The following PPP2R2C variants were observed in gnomAD, a reference collection of about 807,000 sequenced individuals.
PPP2R2C encodes protein phosphatase 2 regulatory subunit Bgamma, also known as protein phosphatase 2, regulatory subunit B, gamma.
Under a neutral mutation model 45.3 loss-of-function variants are expected in PPP2R2C, and 10 were observed. The observed-to-expected ratio is 0.22, with a 90% CI of 0.14 to 0.37. PPP2R2C has a LOEUF of 0.37. Ranked by LOEUF, PPP2R2C falls within the 10% of genes least tolerant of loss-of-function variation. The pLI, the probability that PPP2R2C is intolerant of heterozygous loss-of-function variation, is 1.00. For missense variants in PPP2R2C, 308 were observed against 619.7 expected, an observed-to-expected ratio of 0.50 and a Z score of 5.34; for synonymous variants, 257 against 245.4, an observed-to-expected ratio of 1.05 and a Z score of -0.44.
chr4:6,343,280 GA>G (rs1226318180), intron 6 of PPP2R2C, among the ~76,000 whole-genome samples: 2 of 152,276 alleles, frequency 1.3e-5, no homozygotes, highest in African/African-American at 4.8e-5. Flanking sequence ...AGGAGAAATG[GA>G]AGCTGTAAAA....
intron 5 of PPP2R2C, among the ~76,000 whole-genome samples, chr4:6,355,806 C>T (rs113913022): frequency 0.023 from 3,413 of 149,888 alleles, 141 homozygotes; most frequent in African/African-American, 0.079. Context: ...GCCTAGCCAA[C>T]ATGATGAAAC....
intron 6 of PPP2R2C, among the ~76,000 whole-genome samples, chr4:6,347,123 G>A (rs1162320196): frequency 2.6e-5 from 4 of 152,222 alleles, no homozygotes; most frequent in Admixed American, 2.6e-4. Context: ...TGCCACGATT[G>A]AATTTGGGTG....
chr4:6,489,859 C>T (rs547404374), intron 2 of PPP2R2C, among the ~76,000 whole-genome samples: 5 of 152,286 alleles, frequency 3.3e-5, no homozygotes, highest in African/African-American at 4.8e-5. Context: ...CCACTATTTT[C>T]GAACTTAATA....
At chr4:6,525,282 G>A (rs1724162226) in intron 2 of PPP2R2C, among the ~76,000 whole-genome samples, 1 of 151,942 alleles carries the variant, frequency 6.6e-6, no homozygotes, top group Non-Finnish European at 1.5e-5. Flanking sequence ...GCATGTGCCT[G>A]TAATCCCAGC....
intron 2 of PPP2R2C, among the ~76,000 whole-genome samples, chr4:6,506,898 G>C (rs897401710): frequency 6.6e-6 from 1 of 152,180 alleles, no homozygotes; most frequent in Non-Finnish European, 1.5e-5. Context: ...CATGTGGGTT[G>C]CCATTCTCAC....
At chr4:6,400,174 C>T (rs905212314) in intron 1 of PPP2R2C, among the ~76,000 whole-genome samples, 4 of 152,216 alleles carry the variant, frequency 2.6e-5, no homozygotes, top group Admixed American at 6.5e-5. Flanking sequence ...CCTTTTCCAA[C>T]TACATATCTG....
chr4:6,477,967 G>A (rs1490802076), intron 2 of PPP2R2C, among the ~76,000 whole-genome samples: 1 of 151,960 alleles, frequency 6.6e-6, no homozygotes, highest in Non-Finnish European at 1.5e-5. Context: ...TCCCCTTCCT[G>A]GTTCAGATGT....
intron 1 of PPP2R2C, among the ~76,000 whole-genome samples, chr4:6,418,192 A>G (rs1718724482): frequency 6.6e-6 from 1 of 152,152 alleles, no homozygotes; most frequent in Admixed American, 6.5e-5. Flanking sequence ...CTGCTCTGCA[A>G]GGAGAGTGGT....
chr4:6,470,704 C>G (rs1329248686), intron 1 of PPP2R2C, among the ~76,000 whole-genome samples: 2 of 152,196 alleles, frequency 1.3e-5, no homozygotes, highest in Non-Finnish European at 2.9e-5. Flanking sequence ...ACGCTGATCC[C>G]GACTCAGCCT....
intron 2 of PPP2R2C, among the ~76,000 whole-genome samples, chr4:6,526,489 A>T (rs1268665685): frequency 1.3e-5 from 2 of 152,254 alleles, no homozygotes; most frequent in African/African-American, 2.4e-5. Context: ...TGGTTGTATA[A>T]CATGAATATA....
chr4:6,375,843 G>T lies in PPP2R2C; in HGVS notation c.423C>A (p.Asp141Glu), dbSNP rs1298604554. Residue 141 changes from aspartate to glutamate, a missense_variant, in exon 4 of 9, where the codon GAC (aspartate) becomes GAA (glutamate). Physicochemically the swap from Asp to Glu is conservative, Grantham distance 45. Coordinates refer to ENST00000382599, the MANE Select transcript of PPP2R2C (RefSeq NM_020416.4). Reference sequence around the variant, plus strand: ...CCTGCAGTGACGTCACCGTGGACAGGTCCTTAAGTTTCCCCTCTTCATCCT... The same window carrying T: ...CCTGCAGTGACGTCACCGTGGACAGTTCCTTAAGTTTCCCCTCTTCATCCT... ...NLKDEEGKLK[D>E]LSTVTSLQVP... The T allele has an allele frequency of 6.2e-7, 1 of 1,614,022 alleles. No individual in the cohort carries two copies. The highest frequency in any genetic ancestry group is 1.7e-5 in the Admixed American group (1 of 60,016).
chr4:6,366,533 G>A (rs1714323258), intron 5 of PPP2R2C, among the ~76,000 whole-genome samples: 1 of 152,214 alleles, frequency 6.6e-6, no homozygotes. Flanking sequence ...TAAAATGGAG[G>A]AGGCTGTCAC....
chr4:6,511,429 ATGGTGG>A (rs1295041234), intron 2 of PPP2R2C, among the ~76,000 whole-genome samples: 1 of 77,830 alleles, frequency 1.3e-5, no homozygotes, highest in East Asian at 3.8e-4. Flanking sequence ...GATGGTGGTG[ATGGTGG>A]TGGTGACGGT....
chr4:6,388,156 C>T (rs1166235897), intron 1 of PPP2R2C, among the ~76,000 whole-genome samples: 1 of 152,194 alleles, frequency 6.6e-6, no homozygotes, highest in Non-Finnish European at 1.5e-5. Flanking sequence ...GAGGTGCCTC[C>T]TCCCTTCCTG....
At chr4:6,456,307 T>TTC (rs1491327877) in intron 1 of PPP2R2C, among the ~76,000 whole-genome samples, 28 of 81,518 alleles carry the variant, frequency 3.4e-4, no homozygotes, top group African/African-American at 1.7e-3. Flanking sequence ...GGATGTTATT[T>TTC]CCCCCCCCCC....
rs1476342711 is a variant in PPP2R2C, at chr4:6,384,719, A to C, written c.71-3625T>G. On this transcript the variant is annotated intron_variant, in intron 1 of 8. Transcript: ENST00000382599. ...CACTAATGTCTGTGGGCAATTTACA[A>C]TTTATATGTCATTTTCATATCTGCT... The C allele has an allele frequency of 6.1e-6, 6 of 985,376 alleles. No individual in the cohort carries two copies. The East Asian group carries it at 6.8e-4, about 112-fold the overall frequency. 61.0% of individuals were successfully genotyped at this position (985,376 alleles called of 1,614,324 possible).
At chr4:6,517,624 C>G (rs1348983505) in intron 2 of PPP2R2C, among the ~76,000 whole-genome samples, 3 of 151,882 alleles carry the variant, frequency 2.0e-5, no homozygotes, top group Non-Finnish European at 4.4e-5. Context: ...AAAAAAAAGA[C>G]AGAAGAAATT....
chr4:6,504,147 C>T (rs1182014270), intron 2 of PPP2R2C, among the ~76,000 whole-genome samples: 1 of 152,148 alleles, frequency 6.6e-6, no homozygotes, highest in East Asian at 1.9e-4. Context: ...TGGAATCTGG[C>T]AGGGAATGAG....
rs1211259960 is a variant in PPP2R2C at position 6,329,027 on chromosome 4, G to A, written c.1052+235C>T. Among the ~76,000 whole-genome samples, 2 of 152,216 alleles carry A rather than the reference G, an allele frequency of 1.3e-5. No homozygotes were observed. The highest frequency in any genetic ancestry group is 2.4e-5 in the African/African-American group (1 of 41,458). ...TCCCACTACTGCCCATAGGGCAGGCGCCAACGTGGCTGTGAGGTTCAGTGA... is the reference window on the plus strand; with the variant it reads ...TCCCACTACTGCCCATAGGGCAGGCACCAACGTGGCTGTGAGGTTCAGTGA... On this transcript the variant is annotated intron_variant, in intron 8 of 8. Coordinates refer to ENST00000382599, the MANE Select transcript of PPP2R2C (RefSeq NM_020416.4). This position sits in a 1 kb window ranked among gnomAD's most constrained non-coding sequence, Gnocchi z 5.8.
Sources: allele counts gnomAD v4.1 joint callset (sites outside exome capture counted in the v4.1 genomes callset), GRCh38; gene constraint gnomAD v4.1.1; non-coding constraint Gnocchi (gnomAD v3.1); transcripts MANE v1.5; gene names NCBI Gene and HGNC (gene_info 2026-07-23, HGNC 2026-07-21).